DEPDC4: variants seen among roughly 807,000 people sequenced by gnomAD.
DEPDC4 encodes the protein DEP domain-containing protein 4.
DEPDC4 carries 52 observed loss-of-function variants against 52.0 expected under a neutral mutation model. The ratio of observed to expected loss-of-function variants is 1.00; its 90% CI spans 0.80 to 1.26. The LOEUF (loss-of-function observed/expected upper bound fraction) is 1.26, where lower values mean the gene tolerates loss of function less well. Ranked by LOEUF, DEPDC4 falls within the 50% of genes most tolerant of loss-of-function variation. The pLI, the probability that DEPDC4 is intolerant of heterozygous loss-of-function variation, is 0.00. For synonymous variants in DEPDC4, 201 were observed against 196.8 expected, an observed-to-expected ratio of 1.02 and a Z score of -0.18; for missense variants, 530 against 546.9, an observed-to-expected ratio of 0.97 and a Z score of 0.31.
intron 1 of DEPDC4, among the ~76,000 whole-genome samples, chr12:100,266,381 G>A (rs984321388): frequency 6.6e-6 from 1 of 152,204 alleles, no homozygotes. Context: ...AGGCCAGAAA[G>A]TGATGGGCGG....
the DEPDC4 span, among the ~76,000 whole-genome samples, chr12:100,274,785 A>C: frequency 6.6e-6 from 1 of 152,222 alleles, no homozygotes; most frequent in Non-Finnish European, 1.5e-5. Flanking sequence ...CAATTTTAGG[A>C]AAGAGTACAC....
At chr12:100,251,567 CT>C (rs1029403707) in intron 7 of DEPDC4, among the ~76,000 whole-genome samples, 11 of 151,678 alleles carry the variant, frequency 7.3e-5, no homozygotes, top group African/African-American at 2.4e-4. Context: ...GCCACCACCC[CT>C]GGCATTTTTT....
chr12:100,237,111 T>C (rs1307664486), downstream of DEPDC4, among the ~76,000 whole-genome samples: 1 of 152,164 alleles, frequency 6.6e-6, no homozygotes, highest in African/African-American at 2.4e-5. Flanking sequence ...TAAAATCAGG[T>C]ACTGTGATGC....
downstream of DEPDC4, among the ~76,000 whole-genome samples, chr12:100,238,404 C>T (rs1211358932): frequency 6.6e-6 from 1 of 151,720 alleles, no homozygotes; most frequent in Non-Finnish European, 1.5e-5. Flanking sequence ...AGGTCATCTG[C>T]CTGCCTTGGC....
chr12:100,260,290 T>C (rs2096249281), intron 3 of DEPDC4, among the ~76,000 whole-genome samples: 1 of 151,812 alleles, frequency 6.6e-6, no homozygotes, highest in Non-Finnish European at 1.5e-5. Context: ...CTGGCTAATC[T>C]TTGTATTTTT....
chr12:100,244,095 G>GTATATATATATATATA (rs774444544), intron 8 of DEPDC4, among the ~76,000 whole-genome samples: 14 of 51,642 alleles, frequency 2.7e-4, no homozygotes, highest in South Asian at 7.4e-4. Flanking sequence ...CTCTCTCTGT[G>GTATATATATATATATA]TATATATATA....
chr12:100,245,782 C>T (rs191044445), intron 8 of DEPDC4, among the ~76,000 whole-genome samples: 206 of 152,246 alleles, frequency 1.4e-3, no homozygotes, highest in African/African-American at 4.6e-3. Context: ...CACTCTTTAT[C>T]TAAAATACAA....
At chr12:100,256,842 C>T (rs191737716) in intron 3 of DEPDC4, among the ~76,000 whole-genome samples, 27 of 151,888 alleles carry the variant, frequency 1.8e-4, no homozygotes, top group Non-Finnish European at 2.8e-4. Flanking sequence ...GGGGTTTCAC[C>T]GTGTTAGCTA....
intron 8 of DEPDC4, among the ~76,000 whole-genome samples, chr12:100,245,072 A>G (rs1217907435): frequency 6.6e-6 from 1 of 150,970 alleles, no homozygotes; most frequent in Non-Finnish European, 1.5e-5. Context: ...GGGTTTCACT[A>G]TGTTGGCCAG....
upstream of DEPDC4, among the ~76,000 whole-genome samples, chr12:100,268,728 A>G (rs1566336762): frequency 6.6e-6 from 1 of 152,190 alleles, no homozygotes; most frequent in Non-Finnish European, 1.5e-5. Flanking sequence ...AACTACTCAT[A>G]TTCACATGTT....
At chr12:100,266,007 C>T (rs770482506) in intron 1 of DEPDC4, among the ~76,000 whole-genome samples, 2 of 152,206 alleles carry the variant, frequency 1.3e-5, no homozygotes, top group South Asian at 2.1e-4. Context: ...TGCATCATTC[C>T]ACAAAGAAAC....
the DEPDC4 span, among the ~76,000 whole-genome samples, chr12:100,275,466 G>A: frequency 6.6e-6 from 1 of 152,152 alleles, no homozygotes; most frequent in Non-Finnish European, 1.5e-5. Context: ...AAGGTGCTGG[G>A]ATTACAGGCA....
At position 100,253,674 on chromosome 12, in the gene DEPDC4, T is replaced by G; in HGVS notation, c.920A>C (p.Tyr307Ser). 2.3e-6 allele frequency: 3 copies of G among 1,289,930 alleles called. No individual in the cohort carries two copies. In the South Asian group the frequency reaches 3.7e-5, roughly 16 times the overall value. 79.9% of individuals were successfully genotyped at this position (1,289,930 alleles called of 1,614,324 possible). A position where few individuals can be genotyped will look rare whatever the true frequency, so the allele number is the denominator to read the frequency against. The change falls in exon 5 of 10, where the codon TAT becomes TCT. Residue 307 changes from tyrosine to serine, a missense_variant. Physicochemically the swap from Tyr to Ser is moderately radical, Grantham distance 144 (BLOSUM62 -2). Transcript: ENST00000550587. ...WLNAAIECLE[Y>S]FPDQLIVTVS... ...TGTAACTATTAACTGGTCAGGGAAA[T>G]ACTCCAAGCATTCAATTGCTGCATT... is the stretch of plus-strand genomic sequence containing the variant.
chr12:100,260,184 G>A (rs1305642035), intron 3 of DEPDC4, among the ~76,000 whole-genome samples: 1 of 151,758 alleles, frequency 6.6e-6, no homozygotes, highest in Non-Finnish European at 1.5e-5. Flanking sequence ...GCAAAGGCGC[G>A]ATCTCCATTT....
intron 1 of DEPDC4, 55 bp downstream of exon 1, chr12:100,266,865 C>T (rs1167851302): frequency 6.3e-7 from 1 of 1,576,070 alleles, no homozygotes; most frequent in African/African-American, 1.4e-5. Flanking sequence ...CGCCTGCTCC[C>T]TTCAGCTGCC....
downstream of DEPDC4, among the ~76,000 whole-genome samples, chr12:100,237,269 G>C (rs1011458667): frequency 6.7e-6 from 1 of 150,166 alleles, no homozygotes; most frequent in Non-Finnish European, 1.5e-5. Flanking sequence ...GTGCAGTGGC[G>C]TGATCTCGGC....
intron 9 of DEPDC4, 133 bp from the exon 10 acceptor site, chr12:100,241,978 C>T (rs893440537): frequency 5.1e-6 from 2 of 388,646 alleles, no homozygotes; most frequent in Non-Finnish European, 3.5e-6. Context: ...CTTTGTTCCA[C>T]AGTTTCTTTC....
chr12:100,277,719 T>G, the DEPDC4 span, among the ~76,000 whole-genome samples: 1 of 152,216 alleles, frequency 6.6e-6, no homozygotes, highest in Non-Finnish European at 1.5e-5. Context: ...ATTGATATGG[T>G]TGGATTTAAG....
Position 100,245,564 on chromosome 12 carries a change from C to T in DEPDC4, c.1454-2995G>A, listed in dbSNP as rs577712811. On this transcript the variant is annotated intron_variant, in intron 8 of 9. Transcript: ENST00000550587. ...ACAGGCATGAGCCACTGCATCCCGC[C>T]GAGTCACTTTTCTTCGTAACCCACA... Among the ~76,000 whole-genome samples the T allele has an allele frequency of 2.6e-5, 4 of 152,382 alleles. No homozygotes were observed. In the South Asian group the frequency reaches 6.2e-4, roughly 24 times the overall value.
Sources: gnomAD v4.1 joint callset for allele counts (sites outside exome capture counted in the v4.1 genomes callset) on GRCh38, gnomAD v4.1.1 for gene constraint, MANE v1.5 for transcripts, NCBI Gene and HGNC (gene_info 2026-07-23, HGNC 2026-07-21) for gene names.